SLC22A3: variants seen among roughly 807,000 people sequenced by gnomAD.
SLC22A3 encodes solute carrier family 22 member 3.
SLC22A3 carries 51 observed loss-of-function variants against 59.1 expected under a neutral mutation model. The ratio of observed to expected loss-of-function variants is 0.86; its 90% CI spans 0.69 to 1.09. SLC22A3 has a LOEUF of 1.09. SLC22A3 is among the 50% of genes least tolerant of loss of function. The probability of loss-of-function intolerance (pLI) is 0.00; values close to 1 mark genes in which losing one functional copy is unlikely to be tolerated. For missense variants in SLC22A3, 711 were observed against 726.3 expected, an observed-to-expected ratio of 0.98 and a Z score of 0.24; for synonymous variants, 325 against 292.0, an observed-to-expected ratio of 1.11 and a Z score of -1.15.
chr6:160,397,195 C>T (rs1480144666), intron 1 of SLC22A3, among the ~76,000 whole-genome samples: 1 of 152,140 alleles, frequency 6.6e-6, no homozygotes, highest in African/African-American at 2.4e-5. Flanking sequence ...CTGAGATCAT[C>T]AGGCATTAGT....
At chr6:160,375,197 G>A (rs1212695510) in intron 1 of SLC22A3, among the ~76,000 whole-genome samples, 1 of 152,170 alleles carries the variant, frequency 6.6e-6, no homozygotes, top group East Asian at 1.9e-4. Flanking sequence ...TGAAAAGCCA[G>A]ATTTCACCTC....
intron 1 of SLC22A3, among the ~76,000 whole-genome samples, chr6:160,363,334 C>A (rs534210447): frequency 4.6e-5 from 7 of 152,360 alleles, no homozygotes; most frequent in African/African-American, 1.7e-4. Context: ...TCGCGAAGGC[C>A]TCATGAGTCC....
At chr6:160,448,849 G>A (rs1324846993) in intron 10 of SLC22A3, among the ~76,000 whole-genome samples, 2 of 152,100 alleles carry the variant, frequency 1.3e-5, no homozygotes, top group East Asian at 3.8e-4. Context: ...CATACTGTTT[G>A]ATTTTCTTTA....
chr6:160,364,433 G>C (rs1397194375), intron 1 of SLC22A3, among the ~76,000 whole-genome samples: 1 of 152,238 alleles, frequency 6.6e-6, no homozygotes, highest in Non-Finnish European at 1.5e-5. Context: ...GAGTAGATGG[G>C]TGCAGCGTTG....
intron 5 of SLC22A3, among the ~76,000 whole-genome samples, chr6:160,418,650 CTG>C (rs1305346769): frequency 6.6e-6 from 1 of 152,186 alleles, no homozygotes; most frequent in Non-Finnish European, 1.5e-5. Flanking sequence ...CAGGTAGTAA[CTG>C]TGGCAGCAGT....
intron 5 of SLC22A3, among the ~76,000 whole-genome samples, chr6:160,420,579 C>T (rs1787687987): frequency 6.6e-6 from 1 of 151,652 alleles, no homozygotes; most frequent in African/African-American, 2.4e-5. Flanking sequence ...ATTTACAGAA[C>T]CTAGGACAAC....
In SLC22A3 at chr6:160,451,270, G is replaced by A. The variant is rs541047764; in HGVS notation, c.*214G>A. 1.8e-6 allele frequency: 1 copy of A among 550,050 alleles called. No individual in the cohort carries two copies. The highest frequency in any genetic ancestry group is 2.1e-5 in the South Asian group (1 of 46,800). 34.1% of individuals were successfully genotyped at this position (550,050 alleles called of 1,614,324 possible). ...TGAAGTTTCTGGGAACACATAATAT[G>A]TAGCCAGTTTAACAAAGAAGCTGTC... On this transcript the variant is annotated 3_prime_UTR_variant, in exon 11 of 11. Transcript: ENST00000275300.
intron 5 of SLC22A3, among the ~76,000 whole-genome samples, chr6:160,417,312 G>A (rs1787538708): frequency 1.3e-5 from 2 of 152,272 alleles, no homozygotes; most frequent in East Asian, 1.9e-4. Flanking sequence ...TTCAGGGTGG[G>A]TCTCAGAAGG....
intron 1 of SLC22A3, among the ~76,000 whole-genome samples, chr6:160,356,115 C>T (rs2114741649): frequency 6.6e-6 from 1 of 152,354 alleles, no homozygotes; most frequent in East Asian, 1.9e-4. Context: ...CTGGAATTGG[C>T]TTTCAGAGAT....
intron 3 of SLC22A3, among the ~76,000 whole-genome samples, chr6:160,408,340 G>C (rs376687848): frequency 6.6e-6 from 1 of 152,180 alleles, no homozygotes; most frequent in South Asian, 2.1e-4. Context: ...CTTCTAAGGA[G>C]ACTAGAATGT....
At chr6:160,438,785 T>C (rs964457296) in intron 7 of SLC22A3, among the ~76,000 whole-genome samples, 3 of 151,980 alleles carry the variant, frequency 2.0e-5, no homozygotes, top group Non-Finnish European at 2.9e-5. Context: ...CTCTCAGGGG[T>C]GTGGAGGCTG....
chr6:160,355,791 C>A (rs1430732659), intron 1 of SLC22A3, among the ~76,000 whole-genome samples: 8 of 138,902 alleles, frequency 5.8e-5, no homozygotes, highest in East Asian at 4.4e-4. Context: ...ACAACAACAA[C>A]AACAACAAAA....
chr6:160,412,940 TAAAG>T (rs1227865777), intron 5 of SLC22A3, among the ~76,000 whole-genome samples: 1 of 149,206 alleles, frequency 6.7e-6, no homozygotes, highest in African/African-American at 2.5e-5. Flanking sequence ...TAAATAGGAA[TAAAG>T]AAAGGAATAT....
chr6:160,377,562 C>CTTAAGGCTG (rs1785646711), intron 1 of SLC22A3, among the ~76,000 whole-genome samples: 1 of 152,084 alleles, frequency 6.6e-6, no homozygotes, highest in Non-Finnish European at 1.5e-5. Flanking sequence ...ATCCTATTGT[C>CTTAAGGCTG]TTAAGGCTGG....
chr6:160,349,006 G>A, intron 1 of SLC22A3, 158 bp downstream of exon 1: 2 of 985,446 alleles, frequency 2.0e-6, no homozygotes, highest in Non-Finnish European at 2.4e-6. Flanking sequence ...CGCACCCTTG[G>A]AAGTGCCGCG....
At chr6:160,437,720 T>C (rs1414253251) in intron 7 of SLC22A3, among the ~76,000 whole-genome samples, 2 of 152,114 alleles carry the variant, frequency 1.3e-5, no homozygotes, top group African/African-American at 2.4e-5. Context: ...GATTTAGAAA[T>C]ATAAAAAAAT....
At chr6:160,377,210 C>A (rs141328616) in intron 1 of SLC22A3, among the ~76,000 whole-genome samples, 1 of 152,122 alleles carries the variant, frequency 6.6e-6, no homozygotes, top group South Asian at 2.1e-4. Flanking sequence ...TGTGGGCTGG[C>A]GTGGTGGCTC....
At position 160,451,248 on chromosome 6, in the gene SLC22A3, A is replaced by C. The variant is rs1788952389; in HGVS notation, c.*192A>C. ...GAGTTAGGATTTGTAATGCTGTTGAAGTTTCTGGGAACACATAATATGTAG... is the reference window on the plus strand; with the variant it reads ...GAGTTAGGATTTGTAATGCTGTTGACGTTTCTGGGAACACATAATATGTAG... On this transcript the variant is annotated 3_prime_UTR_variant, in exon 11 of 11. Transcript: ENST00000275300. 4 of 594,246 alleles carry C rather than the reference A, an allele frequency of 6.7e-6. No homozygotes were observed. The highest frequency in any genetic ancestry group is 1.2e-5 in the Non-Finnish European group (4 of 333,056). The allele number at this position is 594,246 out of a possible 1,614,324, so 36.8% of individuals were successfully genotyped here. A position where few individuals can be genotyped will look rare whatever the true frequency, so the allele number is the denominator to read the frequency against.
chr6:160,388,616 T>C (rs551150853), intron 1 of SLC22A3, among the ~76,000 whole-genome samples: 1 of 152,254 alleles, frequency 6.6e-6, no homozygotes, highest in Non-Finnish European at 1.5e-5. Context: ...AAAAAATATT[T>C]CTATAAAATG....
Sources: gnomAD v4.1 joint callset for allele counts (sites outside exome capture counted in the v4.1 genomes callset) on GRCh38, gnomAD v4.1.1 for gene constraint, MANE v1.5 for transcripts, NCBI Gene and HGNC (gene_info 2026-07-23, HGNC 2026-07-21) for gene names.